GALNTL6: variants seen among roughly 807,000 people sequenced by gnomAD.
GALNTL6 encodes polypeptide N-acetylgalactosaminyltransferase-like 6.
Under a neutral mutation model 73.7 loss-of-function variants are expected in GALNTL6, and 46 were observed. The observed-to-expected ratio is 0.62, with a 90% confidence interval of 0.49 to 0.80. The LOEUF (loss-of-function observed/expected upper bound fraction) is 0.80, where lower values mean the gene tolerates loss of function less well. GALNTL6 is among the 30% of genes least tolerant of loss of function. GALNTL6 has a pLI of 0.00. For synonymous variants in GALNTL6, 259 were observed against 263.7 expected, an observed-to-expected ratio of 0.98 and a Z score of 0.17; for missense variants, 604 against 755.0, an observed-to-expected ratio of 0.80 and a Z score of 2.34.
In GALNTL6 at chr4:172,798,123, A is replaced by C. The variant is rs945903277; in HGVS notation, c.554-11238A>C. Among the ~76,000 whole-genome samples the C allele has an allele frequency of 2.0e-5, 3 of 152,298 alleles. No homozygotes were observed. In the South Asian group the frequency reaches 6.2e-4, roughly 32 times the overall value. On this transcript the variant is annotated intron_variant, in intron 5 of 12. Coordinates refer to ENST00000506823, the MANE Select transcript of GALNTL6 (RefSeq NM_001034845.3). ...GGCTCATATTCACTTACAATCATTT[A>C]GGTCCACAGTTCTCATTCCTCATTC...
intron 9 of GALNTL6, among the ~76,000 whole-genome samples, chr4:172,950,040 T>C (rs755555458): frequency 2.0e-5 from 3 of 151,870 alleles, no homozygotes; most frequent in Non-Finnish European, 4.4e-5. Flanking sequence ...GAAATGAAAA[T>C]AGTAAGATGA....
chr4:172,909,268 C>A (rs1747070940), intron 8 of GALNTL6, among the ~76,000 whole-genome samples: 2 of 146,508 alleles, frequency 1.4e-5, no homozygotes, highest in South Asian at 2.1e-4. Flanking sequence ...ACAAAAGTTA[C>A]ACAAGAATTA....
intron 2 of GALNTL6, among the ~76,000 whole-genome samples, chr4:171,849,212 G>A (rs780420266): frequency 1.3e-4 from 20 of 152,260 alleles, no homozygotes; most frequent in African/African-American, 1.7e-4. Context: ...CTTAGAAGCC[G>A]TTGCAGGGTT....
At chr4:171,967,101 C>T (rs1197026170) in intron 2 of GALNTL6, among the ~76,000 whole-genome samples, 1 of 152,180 alleles carries the variant, frequency 6.6e-6, no homozygotes, top group South Asian at 2.1e-4. Flanking sequence ...AAAATAACTA[C>T]CCCCTACCCA....
At chr4:172,706,062 T>G (rs1734333374) in intron 5 of GALNTL6, among the ~76,000 whole-genome samples, 2 of 152,118 alleles carry the variant, frequency 1.3e-5, no homozygotes, top group Non-Finnish European at 2.9e-5. Context: ...ATAAGCTTTC[T>G]ACCCCTTGCT....
intron 2 of GALNTL6, among the ~76,000 whole-genome samples, chr4:172,224,037 T>C (rs1048503855): frequency 4.6e-5 from 7 of 152,186 alleles, no homozygotes; most frequent in African/African-American, 1.7e-4. Flanking sequence ...AATTTATTAT[T>C]TGTTTAATGA....
chr4:172,537,022 G>A (rs1438780262), intron 5 of GALNTL6, among the ~76,000 whole-genome samples: 3 of 152,160 alleles, frequency 2.0e-5, no homozygotes, highest in Admixed American at 6.5e-5. Context: ...TGGAATGGGT[G>A]CATTTACCCA....
intron 5 of GALNTL6, among the ~76,000 whole-genome samples, chr4:172,503,275 A>G (rs118010088): frequency 6.6e-6 from 1 of 152,176 alleles, no homozygotes; most frequent in East Asian, 1.9e-4. Context: ...TACCTTATTA[A>G]ATATTTAACA....
chr4:171,983,154 C>A, intron 2 of GALNTL6, among the ~76,000 whole-genome samples: 1 of 152,124 alleles, frequency 6.6e-6, no homozygotes, highest in East Asian at 1.9e-4. Context: ...TAGTTTTAGG[C>A]CTGCCTTAGT....
At chr4:171,981,515 C>CT (rs1041348909) in intron 2 of GALNTL6, among the ~76,000 whole-genome samples, 19 of 152,186 alleles carry the variant, frequency 1.2e-4, no homozygotes, top group African/African-American at 3.1e-4. Context: ...AGGTATGGAG[C>CT]TTTTTTTATC....
chr4:172,487,520 G>A (rs547431432), intron 5 of GALNTL6, among the ~76,000 whole-genome samples: 45 of 151,946 alleles, frequency 3.0e-4, no homozygotes, highest in African/African-American at 1.1e-3. Flanking sequence ...TCGAGTAGCT[G>A]GGACTACAGG....
chr4:172,466,520 G>A (rs1462257602), intron 5 of GALNTL6, among the ~76,000 whole-genome samples: 1 of 152,182 alleles, frequency 6.6e-6, no homozygotes, highest in Non-Finnish European at 1.5e-5. Flanking sequence ...TGAAGACAAA[G>A]ATTAGAAATA....
intron 2 of GALNTL6, among the ~76,000 whole-genome samples, chr4:171,819,581 T>C (rs916296941): frequency 3.3e-5 from 5 of 152,080 alleles, no homozygotes; most frequent in Admixed American, 6.6e-5. Flanking sequence ...GATTGAATTT[T>C]TTTGTTTGTT....
intron 5 of GALNTL6, among the ~76,000 whole-genome samples, chr4:172,502,455 C>T (rs1734293386): frequency 6.8e-6 from 1 of 148,082 alleles, no homozygotes. Flanking sequence ...CAAATCACAA[C>T]ATTCAACTCA....
chr4:173,005,440 A>G (rs967570083), intron 10 of GALNTL6, among the ~76,000 whole-genome samples: 4 of 152,290 alleles, frequency 2.6e-5, no homozygotes, highest in East Asian at 1.9e-4. Flanking sequence ...GCCCATGTGT[A>G]TGTGTGTGAA....
chr4:172,243,007 A>G lies in GALNTL6; in HGVS notation c.247+13243A>G, dbSNP rs77383582. ...TGCTCAAATGCCTTCAAAGGCTGTT[A>G]ATCATATTCAAAAATAAATCCAACT... On this transcript the variant is annotated intron_variant, in intron 3 of 12. Coordinates refer to ENST00000506823, the MANE Select transcript of GALNTL6 (RefSeq NM_001034845.3). Among the ~76,000 whole-genome samples the G allele has an allele frequency of 3.8e-3, 574 of 152,302 alleles. 4 individuals carry two copies. Among genetic ancestry groups the G allele is most frequent in the African/African-American group, 0.013 (523 of 41,572 alleles).
At chr4:171,977,446 G>A (rs908659686) in intron 2 of GALNTL6, among the ~76,000 whole-genome samples, 13 of 152,286 alleles carry the variant, frequency 8.5e-5, no homozygotes, top group African/African-American at 3.1e-4. Flanking sequence ...TAAGATGCCA[G>A]CAGGATTGGT....
intron 2 of GALNTL6, among the ~76,000 whole-genome samples, chr4:172,203,291 A>C (rs1447906149): frequency 6.6e-6 from 1 of 152,210 alleles, no homozygotes; most frequent in Non-Finnish European, 1.5e-5. Context: ...GTAATTGTTG[A>C]GAAAATGCAA....
intron 2 of GALNTL6, among the ~76,000 whole-genome samples, chr4:171,937,652 A>G (rs1738392808): frequency 6.6e-6 from 1 of 152,146 alleles, no homozygotes; most frequent in Admixed American, 6.5e-5. Context: ...TTGAAATAGA[A>G]TTATGGAATC....
Sources: gnomAD v4.1 joint callset for allele counts (sites outside exome capture counted in the v4.1 genomes callset) on GRCh38, gnomAD v4.1.1 for gene constraint, MANE v1.5 for transcripts, NCBI Gene and HGNC (gene_info 2026-07-23, HGNC 2026-07-21) for gene names.